The following UQCC2 variants were observed in gnomAD, a reference collection of about 807,000 sequenced individuals.
UQCC2 encodes ubiquinol-cytochrome c reductase complex assembly factor 2, also known as breast cancer-associated protein SGA-81M.
A neutral mutation model predicts 19.9 loss-of-function variants in UQCC2; 21 were observed. The observed-to-expected ratio is 1.05, with a 90% CI of 0.75 to 1.52. The LOEUF is 1.52. Ranked by LOEUF, UQCC2 falls within the 40% of genes most tolerant of loss-of-function variation. The pLI, the probability that UQCC2 is intolerant of heterozygous loss-of-function variation, is 0.00. For missense variants in UQCC2, 135 were observed against 157.5 expected, an observed-to-expected ratio of 0.86 and a Z score of 0.76; for synonymous variants, 57 against 60.9, an observed-to-expected ratio of 0.94 and a Z score of 0.30.
intron 1 of UQCC2, among the ~76,000 whole-genome samples, chr6:33,706,521 C>T (rs771184047): frequency 6.6e-6 from 1 of 152,174 alleles, no homozygotes; most frequent in African/African-American, 2.4e-5. Flanking sequence ...GAGCACGGGC[C>T]GCTGCACGAG....
intron 1 of UQCC2, among the ~76,000 whole-genome samples, chr6:33,707,865 A>G (rs2281829): frequency 0.41 from 62,583 of 152,202 alleles, 15,337 homozygotes; most frequent in East Asian, 0.85. Context: ...CAAAGCCCAT[A>G]AACACTGACT....
chr6:33,706,387 G>C (rs1166956947), intron 1 of UQCC2, among the ~76,000 whole-genome samples: 1 of 152,176 alleles, frequency 6.6e-6, no homozygotes, highest in Non-Finnish European at 1.5e-5. Context: ...ACGGTGAGGG[G>C]CCACAAAGAC....
chr6:33,699,976 T>C (rs1765619945), intron 3 of UQCC2, among the ~76,000 whole-genome samples: 1 of 152,204 alleles, frequency 6.6e-6, no homozygotes, highest in Non-Finnish European at 1.5e-5. Flanking sequence ...AGTCTATCAA[T>C]GACTCTAAAA....
intron 1 of UQCC2, 132 bp downstream of exon 1, chr6:33,711,417 G>C: frequency 1.5e-6 from 2 of 1,316,684 alleles, no homozygotes; most frequent in East Asian, 2.7e-5. Flanking sequence ...GGGGGAAAAA[G>C]GGGGTCCGCG....
At chr6:33,711,089 G>A (rs1037555162) in intron 1 of UQCC2, among the ~76,000 whole-genome samples, 33 of 152,180 alleles carry the variant, frequency 2.2e-4, no homozygotes, top group African/African-American at 7.2e-4. Flanking sequence ...GGTGGTGTGG[G>A]TCTCAACTCT....
At chr6:33,699,697 C>G (rs886287338) in intron 3 of UQCC2, among the ~76,000 whole-genome samples, 1 of 152,148 alleles carries the variant, frequency 6.6e-6, no homozygotes, top group African/African-American at 2.4e-5. Flanking sequence ...TCTAGAAGCC[C>G]AAATCCTCAA....
rs148791473 is a variant in UQCC2 at position 33,701,369 on chromosome 6, G to T, written c.190C>A (p.His64Asn). The T allele has an allele frequency of 1.6e-5, 26 of 1,613,526 alleles. No homozygotes were observed. Among genetic ancestry groups the T allele is most frequent in the Admixed American group, 5.0e-5 (3 of 59,890 alleles). ...DQMYESLARLHSNYYKHKYPR... is the reference protein window; with the variant it reads ...DQMYESLARLNSNYYKHKYPR... ...ACCTTGTGTTTGTAGTAGTTTGAAT[G>T]GAGTCGCGCTAAGCTCTCGTACATC... The change falls in exon 2 of 4, where the codon CAT (histidine) becomes AAT (asparagine). Residue 64 changes from histidine (H) to asparagine (N), a missense_variant. His to Asn is a moderately conservative substitution (Grantham distance 68, BLOSUM62 1). Transcript: ENST00000607484.
chr6:33,701,401 C>T lies in UQCC2; in HGVS notation c.158G>A (p.Cys53Tyr). The change falls in exon 2 of 4, where the codon TGT becomes TAT. Residue 53 changes from cysteine (C) to tyrosine (Y), a missense_variant. By Grantham distance (194) the Cys-to-Tyr change is radical (BLOSUM62 -2). Transcript: ENST00000607484. Reference protein sequence around the residue: ...ENTQVAEPEACDQMYESLARL... With the variant: ...ENTQVAEPEAYDQMYESLARL... ...CGCTAAGCTCTCGTACATCTGATCA[C>T]AGGCCTCAGGCTCTGCAACCTGAAA... 1 of 1,613,662 alleles carries T rather than the reference C, an allele frequency of 6.2e-7. No individual in the cohort carries two copies. The highest frequency in any genetic ancestry group is 8.5e-7 in the Non-Finnish European group (1 of 1,179,810).
At chr6:33,706,497 G>C (rs1029532971) in intron 1 of UQCC2, among the ~76,000 whole-genome samples, 1 of 152,228 alleles carries the variant, frequency 6.6e-6, no homozygotes, top group African/African-American at 2.4e-5. Context: ...GTGTAAGTGA[G>C]AGCCAGATCT....
chr6:33,697,658 C>T lies in UQCC2; in HGVS notation c.376G>A (p.Ala126Thr), dbSNP rs1196273357. The change falls in exon 4 of 4, where the codon GCC becomes ACC. Residue 126 changes from alanine (A) to threonine (T), a missense_variant. By Grantham distance (58) the Ala-to-Thr change is moderately conservative. Transcript: ENST00000607484. ...APKGPEEDHK[A>T] ...GCACGAGGTAAGGCCTGAGCTCAGGCCTTATGATCCTCCTCAGGACCCTTG... is the reference window on the plus strand; with the variant it reads ...GCACGAGGTAAGGCCTGAGCTCAGGTCTTATGATCCTCCTCAGGACCCTTG... 1.9e-6 allele frequency: 3 copies of T among 1,612,696 alleles called. No homozygotes were observed. The highest frequency in any genetic ancestry group is 2.5e-6 in the Non-Finnish European group (3 of 1,179,508).
intron 1 of UQCC2, among the ~76,000 whole-genome samples, chr6:33,707,021 G>A (rs994663116): frequency 4.6e-5 from 7 of 152,168 alleles, no homozygotes; most frequent in African/African-American, 1.7e-4. Context: ...AGGAGGCAAT[G>A]GGCAGACCCC....
At chr6:33,705,071 G>A (rs922148858) in intron 1 of UQCC2, among the ~76,000 whole-genome samples, 5 of 145,864 alleles carry the variant, frequency 3.4e-5, no homozygotes, top group South Asian at 2.2e-4. Context: ...TCACTCTGTC[G>A]CCCAGGCTGG....
chr6:33,697,856 AC>A (rs1256796553), intron 3 of UQCC2, 106 bp from the exon 4 acceptor site: 1 of 873,954 alleles, frequency 1.1e-6, no homozygotes, highest in African/African-American at 1.7e-5. Flanking sequence ...TGCTTTTCAC[AC>A]AGTGTGTTCC....
intron 1 of UQCC2, among the ~76,000 whole-genome samples, chr6:33,708,505 C>T (rs1229416881): frequency 6.6e-6 from 1 of 152,144 alleles, no homozygotes; most frequent in Non-Finnish European, 1.5e-5. Flanking sequence ...CACTGTGCAC[C>T]TTTCAGGGTG....
At chr6:33,702,555 T>C (rs1200779187) in intron 1 of UQCC2, among the ~76,000 whole-genome samples, 2 of 152,218 alleles carry the variant, frequency 1.3e-5, no homozygotes, top group African/African-American at 4.8e-5. Context: ...AATTCTCTGG[T>C]GCCAGAGACA....
rs751881961 is a variant in UQCC2, at chr6:33,700,523, G to C, written c.214-10C>G. ...CTCTGGGGCGAGGGTACTGGTCACCGGGGCAGAAAGGAAGTGAAGGGAGGG... is the reference window on the plus strand; with the variant it reads ...CTCTGGGGCGAGGGTACTGGTCACCCGGGCAGAAAGGAAGTGAAGGGAGGG... On this transcript the variant is annotated splice_polypyrimidine_tract_variant and intron_variant, in intron 2 of 3. Coordinates refer to ENST00000607484, the MANE Select transcript of UQCC2 (RefSeq NM_032340.4). 14 of 1,613,930 alleles carry C rather than the reference G, an allele frequency of 8.7e-6. No individual in the cohort carries two copies. The highest frequency in any genetic ancestry group is 1.2e-5 in the Non-Finnish European group (14 of 1,179,860).
At chr6:33,710,097 A>T (rs1431802911) in intron 1 of UQCC2, among the ~76,000 whole-genome samples, 1 of 151,998 alleles carries the variant, frequency 6.6e-6, no homozygotes, top group Non-Finnish European at 1.5e-5. Flanking sequence ...CTTTTCCTTT[A>T]TCCCACATCC....
At chr6:33,702,775 A>AT (rs1765656185) in intron 1 of UQCC2, among the ~76,000 whole-genome samples, 1 of 152,194 alleles carries the variant, frequency 6.6e-6, no homozygotes, top group South Asian at 2.1e-4. Context: ...CAAATGATGG[A>AT]TTTTTTCCTA....
chr6:33,707,249 C>T (rs372604207), intron 1 of UQCC2, among the ~76,000 whole-genome samples: 5 of 152,170 alleles, frequency 3.3e-5, no homozygotes, highest in African/African-American at 7.2e-5. Flanking sequence ...TCCAGGTTTT[C>T]GATGGGCTCA....
Sources: gnomAD v4.1 joint callset for allele counts (sites outside exome capture counted in the v4.1 genomes callset) on GRCh38, gnomAD v4.1.1 for gene constraint, MANE v1.5 for transcripts, NCBI Gene and HGNC (gene_info 2026-07-23, HGNC 2026-07-21) for gene names.